Variants in ASPRV1 observed in about 807,000 individuals in gnomAD.
ASPRV1 encodes the protein retroviral-like aspartic protease 1.
Under a neutral mutation model 11.0 loss-of-function variants are expected in ASPRV1, and 7 were observed. The observed-to-expected ratio is 0.64, with a 90% CI of 0.36 to 1.20. The LOEUF (loss-of-function observed/expected upper bound fraction) is 1.20, where lower values mean the gene tolerates loss of function less well. Among genes scored for constraint, ASPRV1 ranks in the 50% most tolerant of loss-of-function variants. The pLI is 0.02. For synonymous variants in ASPRV1, 136 were observed against 138.4 expected (o/e 0.98, Z 0.12); for missense variants, 299 against 320.0 (o/e 0.93, Z 0.50).
the ASPRV1 span, among the ~76,000 whole-genome samples, chr2:69,971,766 G>A: frequency 5.9e-5 from 9 of 152,162 alleles, no homozygotes; most frequent in African/African-American, 1.9e-4. Flanking sequence ...CCGTCCTGGA[G>A]CATTTGAACT....
chr2:69,977,812 G>A, the ASPRV1 span, among the ~76,000 whole-genome samples: 1 of 152,220 alleles, frequency 6.6e-6, no homozygotes, highest in Non-Finnish European at 1.5e-5. Context: ...GGGTCACAAA[G>A]TGGAAATTAG....
chr2:69,948,605 G>C, the ASPRV1 span, among the ~76,000 whole-genome samples: 1 of 152,200 alleles, frequency 6.6e-6, no homozygotes, highest in Admixed American at 6.5e-5. Context: ...CAGCCACGGA[G>C]GGCGGTGCTG....
chr2:70,039,573 C>G, the ASPRV1 span, among the ~76,000 whole-genome samples: 34,499 of 152,060 alleles, frequency 0.23, 6,917 homozygotes, highest in African/African-American at 0.5. Context: ...GTGATTTACA[C>G]AAACAGCCAG....
chr2:69,960,678 C>T lies in ASPRV1; in HGVS notation c.759G>A (p.Gly253=), dbSNP rs776075784. 12 of 1,612,970 alleles carry T rather than the reference C, an allele frequency of 7.4e-6. No individual in the cohort carries two copies. The African/African-American group carries it at 1.1e-4, about 14-fold the overall frequency. Residue 253 remains glycine, a synonymous_variant, in exon 1 of 1, where the codon GGG becomes GGA. Transcript: ENST00000320256. The part of the protein sequence containing the change: ...LIEEDPSSEE[G]RQELSH ...CTTCTCAGTGGGATAGCTCCTGCCG[C>T]CCTTCTTCTGAGGAGGGGTCCTCCT...
chr2:70,029,592 T>A, the ASPRV1 span, among the ~76,000 whole-genome samples: 1 of 152,078 alleles, frequency 6.6e-6, no homozygotes, highest in East Asian at 1.9e-4. Context: ...TGAGCCGAGA[T>A]TGTGCCACTG....
At chr2:69,995,986 G>A in the ASPRV1 span, among the ~76,000 whole-genome samples, 49 of 152,176 alleles carry the variant, frequency 3.2e-4, no homozygotes, top group African/African-American at 1.2e-3. Flanking sequence ...GGAGCACTTG[G>A]TAGTGGAGCA....
chr2:69,965,563 G>A (rs1220972658), upstream of ASPRV1, among the ~76,000 whole-genome samples: 1 of 152,196 alleles, frequency 6.6e-6, no homozygotes, highest in African/African-American at 2.4e-5. Flanking sequence ...GCTTCAGATT[G>A]TTCCTGCGGC....
At chr2:69,999,953 G>T in the ASPRV1 span, among the ~76,000 whole-genome samples, 11 of 152,044 alleles carry the variant, frequency 7.2e-5, no homozygotes, top group African/African-American at 2.4e-4. Context: ...GCCTTGAGTT[G>T]GCCCCGCTCG....
the ASPRV1 span, among the ~76,000 whole-genome samples, chr2:70,034,086 T>G: frequency 8.9e-6 from 1 of 112,246 alleles, no homozygotes; most frequent in Non-Finnish European, 1.7e-5. Flanking sequence ...CCCCGGGGGG[T>G]GGAGCCTGCA....
At chr2:70,007,823 A>AT in the ASPRV1 span, among the ~76,000 whole-genome samples, 1 of 151,864 alleles carries the variant, frequency 6.6e-6, no homozygotes, top group Non-Finnish European at 1.5e-5. Context: ...GTCTCCTACT[A>AT]TGAGTATGTA....
the ASPRV1 span, among the ~76,000 whole-genome samples, chr2:70,012,822 C>T: frequency 1.3e-5 from 2 of 152,106 alleles, no homozygotes; most frequent in African/African-American, 4.8e-5. Context: ...TTTCATAGAA[C>T]ATCATTTTTA....
the ASPRV1 span, chr2:70,032,140 T>C: frequency 6.6e-6 from 1 of 152,182 alleles, no homozygotes; most frequent in East Asian, 1.9e-4. Flanking sequence ...TACCTAAGAA[T>C]GGAGACTGCA....
the ASPRV1 span, among the ~76,000 whole-genome samples, chr2:70,077,697 C>A: frequency 1.3e-5 from 2 of 151,134 alleles, no homozygotes; most frequent in Non-Finnish European, 2.9e-5. Flanking sequence ...CTACTATAAA[C>A]ACAAAATATT....
At chr2:70,013,737 C>T in the ASPRV1 span, among the ~76,000 whole-genome samples, 37 of 152,154 alleles carry the variant, frequency 2.4e-4, no homozygotes, top group Admixed American at 1.2e-3. Flanking sequence ...AAAAATTAGC[C>T]GGGTGTGGTG....
rs1179074290 is a variant in ASPRV1 at position 69,960,921 on chromosome 2, G to A, written c.516C>T (p.Val172=). 2 of 1,613,946 alleles carry A rather than the reference G, an allele frequency of 1.2e-6. No homozygotes were observed. Among genetic ancestry groups the A allele is most frequent in the African/African-American group, 2.7e-5 (2 of 74,896 alleles). Residue 172 remains valine (V), a synonymous_variant, in exon 1 of 1, where the codon GTC becomes GTT. Transcript: ENST00000320256. ...TGCCTAGGGACACCGCTGTATCCCAGACACCCAGGATCTTCATTTCAGCAC... is the reference window on the plus strand; with the variant it reads ...TGCCTAGGGACACCGCTGTATCCCAAACACCCAGGATCTTCATTTCAGCAC... ...ANGAEMKILG[V]WDTAVSLGKL...
chr2:70,035,226 C>A, the ASPRV1 span, among the ~76,000 whole-genome samples: 4 of 152,168 alleles, frequency 2.6e-5, no homozygotes, highest in Non-Finnish European at 5.9e-5. Flanking sequence ...TCAATTGTTC[C>A]AGGGACTCTC....
At chr2:69,942,715 CAG>C in the ASPRV1 span, 2 of 152,196 alleles carry the variant, frequency 1.3e-5, no homozygotes, top group African/African-American at 2.4e-5. Flanking sequence ...CACAGCCTGA[CAG>C]GGGAGCAGCA....
chr2:69,950,680 T>G, the ASPRV1 span, among the ~76,000 whole-genome samples: 1 of 151,770 alleles, frequency 6.6e-6, no homozygotes, highest in South Asian at 2.1e-4. Context: ...TCGCCTCTAC[T>G]AAACACACAA....
chr2:70,042,979 C>T, the ASPRV1 span, among the ~76,000 whole-genome samples: 1 of 152,130 alleles, frequency 6.6e-6, no homozygotes, highest in Non-Finnish European at 1.5e-5. Flanking sequence ...CATCTATAAA[C>T]CCAATTGTAA....
Sources: allele counts gnomAD v4.1 joint callset (sites outside exome capture counted in the v4.1 genomes callset), GRCh38; gene constraint gnomAD v4.1.1; transcripts MANE v1.5; gene names NCBI Gene and HGNC (gene_info 2026-07-23, HGNC 2026-07-21).